The following NCK1 variants were observed in gnomAD, a reference collection of about 807,000 sequenced individuals.
The protein encoded by NCK1 is NCK adaptor protein 1, also known as SH2/SH3 adapter protein NCK1.
In NCK1, 19 loss-of-function variants were observed where a neutral mutation model predicts 36.6. The ratio of observed to expected loss-of-function variants is 0.52; its 90% CI spans 0.36 to 0.76. The LOEUF (loss-of-function observed/expected upper bound fraction) is 0.76, where lower values mean the gene tolerates loss of function less well. Among genes scored for constraint, NCK1 ranks in the 30% least tolerant of loss-of-function variants. NCK1 has a pLI of 0.00. For missense variants in NCK1, 358 were observed against 445.6 expected, an observed-to-expected ratio of 0.80 and a Z score of 1.77; for synonymous variants, 165 against 156.0, an observed-to-expected ratio of 1.06 and a Z score of -0.43.
chr3:136,938,702 A>G (rs542994259), intron 2 of NCK1, among the ~76,000 whole-genome samples: 6 of 152,348 alleles, frequency 3.9e-5, no homozygotes, highest in South Asian at 2.1e-4. Context: ...TGTGAATTCT[A>G]TGTTAATCAC....
At chr3:136,919,514 A>T (rs966477758) in intron 1 of NCK1, among the ~76,000 whole-genome samples, 8 of 152,198 alleles carry the variant, frequency 5.3e-5, no homozygotes, top group African/African-American at 1.9e-4. Flanking sequence ...TCCTAGTATT[A>T]TGAAAATAGT....
chr3:136,896,412 T>C, intron 1 of NCK1, among the ~76,000 whole-genome samples: 1 of 152,240 alleles, frequency 6.6e-6, no homozygotes, highest in East Asian at 1.9e-4. Flanking sequence ...TCCTGGCTTA[T>C]TTCACTTAAC....
chr3:136,923,549 G>T (rs1253876701), intron 1 of NCK1, among the ~76,000 whole-genome samples: 1 of 117,902 alleles, frequency 8.5e-6, no homozygotes, highest in East Asian at 2.1e-4. Flanking sequence ...TGCAGTGCGA[G>T]ACTCCGTCTC....
At chr3:136,863,093 C>T (rs1027488891) in intron 1 of NCK1, among the ~76,000 whole-genome samples, 2 of 151,918 alleles carry the variant, frequency 1.3e-5, no homozygotes, top group African/African-American at 4.8e-5. Context: ...GGGGTGAGGA[C>T]GTAACCGTAG....
chr3:136,873,199 A>T (rs1232900430), intron 1 of NCK1, among the ~76,000 whole-genome samples: 1 of 152,192 alleles, frequency 6.6e-6, no homozygotes, highest in Non-Finnish European at 1.5e-5. Context: ...CTGCAAAACC[A>T]CAGAGTCAGA....
intron 1 of NCK1, among the ~76,000 whole-genome samples, chr3:136,908,044 C>A (rs1939733845): frequency 6.6e-6 from 1 of 151,976 alleles, no homozygotes; most frequent in Non-Finnish European, 1.5e-5. Context: ...TTCTGAAAGT[C>A]CAGTAGTTAA....
chr3:136,928,383 G>T, intron 2 of NCK1, 156 bp downstream of exon 2: 1 of 662,862 alleles, frequency 1.5e-6, no homozygotes, highest in Non-Finnish European at 2.5e-6. Flanking sequence ...CAGAAGACCA[G>T]TGAAGGTCAT....
At chr3:136,931,634 C>CA (rs1288650144) in intron 2 of NCK1, among the ~76,000 whole-genome samples, 2 of 152,034 alleles carry the variant, frequency 1.3e-5, no homozygotes, top group African/African-American at 4.8e-5. Context: ...ATTTGTTTAT[C>CA]AACACATTCT....
rs758298707 is a variant in NCK1 at position 136,928,067 on chromosome 3, C to T, written c.66C>T (p.Asp22=). 4 of 1,614,028 alleles carry T rather than the reference C, an allele frequency of 2.5e-6. No homozygotes were observed. In the Admixed American group the frequency reaches 5.0e-5, roughly 20 times the overall value. ...TGGCCCAACAAGAACAAGAGTTGGACATCAAGAAGAATGAGAGATTATGGC... is the reference window on the plus strand; with the variant it reads ...TGGCCCAACAAGAACAAGAGTTGGATATCAAGAAGAATGAGAGATTATGGC... ...DYVAQQEQEL[D]IKKNERLWLL... Residue 22 remains aspartate (D), a synonymous_variant, in exon 2 of 4, where the codon GAC becomes GAT. Coordinates refer to ENST00000481752, the MANE Select transcript of NCK1 (RefSeq NM_001291999.2).
intron 1 of NCK1, among the ~76,000 whole-genome samples, chr3:136,927,592 G>A (rs1940275617): frequency 6.6e-6 from 1 of 152,102 alleles, no homozygotes; most frequent in Non-Finnish European, 1.5e-5. Context: ...TGCGATATCG[G>A]CTCACTGCAA....
At chr3:136,940,481 C>T (rs186499563) in intron 2 of NCK1, among the ~76,000 whole-genome samples, 81 of 152,234 alleles carry the variant, frequency 5.3e-4, no homozygotes, top group African/African-American at 2.0e-3. Flanking sequence ...AACTGTTACA[C>T]TTCTTGATGG....
intron 1 of NCK1, among the ~76,000 whole-genome samples, chr3:136,921,241 C>T (rs969438607): frequency 3.9e-5 from 6 of 152,206 alleles, no homozygotes; most frequent in African/African-American, 1.4e-4. Context: ...AACTACCAGT[C>T]ATGTATGAGA....
chr3:136,890,550 C>T (rs1043561555), intron 1 of NCK1, among the ~76,000 whole-genome samples: 3 of 152,216 alleles, frequency 2.0e-5, no homozygotes, highest in Non-Finnish European at 4.4e-5. Flanking sequence ...ACTGCCAGCA[C>T]GCTGTCACCT....
intron 1 of NCK1, among the ~76,000 whole-genome samples, chr3:136,912,048 T>C (rs915436953): frequency 6.6e-6 from 1 of 152,282 alleles, no homozygotes; most frequent in Middle Eastern, 3.4e-3. Context: ...TAGATTATAA[T>C]GTGTCTTGCT....
At chr3:136,872,645 C>T (rs1938658121) in intron 1 of NCK1, among the ~76,000 whole-genome samples, 2 of 152,230 alleles carry the variant, frequency 1.3e-5, no homozygotes, top group East Asian at 1.9e-4. Context: ...ATGGCAGCCC[C>T]TCCCATCACA....
chr3:136,911,945 G>T (rs981034712), intron 1 of NCK1, among the ~76,000 whole-genome samples: 4 of 151,884 alleles, frequency 2.6e-5, no homozygotes, highest in African/African-American at 9.7e-5. Context: ...CTACAGAGCT[G>T]CTGATGAGAA....
In NCK1 at chr3:136,948,274, G is replaced by T. The variant is rs148197442; in HGVS notation, c.955G>T (p.Val319Leu). The part of the protein sequence containing the change: ...DSESSPNDFS[V>L]SLKAQGKNKH... ...TCTCTTTTAGCCAAATGATTTCTCA[G>T]TATCACTAAAAGCACAAGGGAAAAA... is the stretch of plus-strand genomic sequence containing the variant. Residue 319 changes from valine to leucine, a missense_variant, in exon 4 of 4, where the codon GTA becomes TTA. By Grantham distance (32) the Val-to-Leu change is conservative. This residue lies in a region of NCK1 where 207 missense variants were observed against 253.4 expected (regional missense o/e 0.82). Coordinates refer to ENST00000481752, the MANE Select transcript of NCK1 (RefSeq NM_001291999.2). 2.5e-6 allele frequency: 4 copies of T among 1,593,780 alleles called. No individual in the cohort carries two copies. The highest frequency in any genetic ancestry group is 3.4e-6 in the Non-Finnish European group (4 of 1,171,852).
intron 1 of NCK1, among the ~76,000 whole-genome samples, chr3:136,925,660 C>T (rs1440391894): frequency 6.6e-6 from 1 of 151,960 alleles, no homozygotes; most frequent in African/African-American, 2.4e-5. Flanking sequence ...GTTATAATTC[C>T]CTGGAGATTC....
intron 1 of NCK1, among the ~76,000 whole-genome samples, chr3:136,869,704 A>G (rs1170684132): frequency 1.3e-5 from 2 of 152,242 alleles, no homozygotes; most frequent in East Asian, 3.8e-4. Context: ...TGTACGTAAC[A>G]ATAGTTGAAT....
Sources: allele counts gnomAD v4.1 joint callset (sites outside exome capture counted in the v4.1 genomes callset), GRCh38; gene constraint gnomAD v4.1.1; regional missense constraint gnomAD v4.1.1; transcripts MANE v1.5; gene names NCBI Gene and HGNC (gene_info 2026-07-23, HGNC 2026-07-21).